The following KCNK12 variants were observed in gnomAD, a reference collection of about 807,000 sequenced individuals.
The protein encoded by KCNK12 is potassium channel subfamily K member 12.
In KCNK12, 6 loss-of-function variants were observed where a neutral mutation model predicts 25.3. The observed-to-expected ratio is 0.24, with a 90% CI of 0.13 to 0.47. The LOEUF (loss-of-function observed/expected upper bound fraction) is 0.47, where lower values mean the gene tolerates loss of function less well. KCNK12 is among the 20% of genes least tolerant of loss of function. KCNK12 has a pLI of 0.99. For missense variants in KCNK12, 444 were observed against 661.7 expected, an observed-to-expected ratio of 0.67 and a Z score of 3.61; for synonymous variants, 331 against 311.1, an observed-to-expected ratio of 1.06 and a Z score of -0.67.
At chr2:47,534,515 A>ACCCCCCCCCCCCCCCCC (rs34901455) in intron 1 of KCNK12, among the ~76,000 whole-genome samples, 1 of 48,192 alleles carries the variant, frequency 2.1e-5, no homozygotes, top group Non-Finnish European at 3.7e-5. Flanking sequence ...GCCCCTTCTA[A>ACCCCCCCCCCCCCCCCC]CCCCCCCCCC....
rs192983045 is a variant in KCNK12 at position 47,513,761 on chromosome 2, C to G, written c.*7146G>C. 6.6e-6 allele frequency among the ~76,000 whole-genome samples: 1 copy of G among 152,280 alleles called. No individual in the cohort carries two copies. The highest frequency in any genetic ancestry group is 1.9e-4 in the East Asian group (1 of 5,176). On this transcript the variant is annotated 3_prime_UTR_variant, in exon 2 of 2. Transcript: ENST00000327876. The stretch of plus-strand genomic sequence containing the variant: ...ACCACTGTCTACCTGGCTGCTTAGC[C>G]TGAGACCTGGCTCCGTCCCAATTCC...
In KCNK12 at chr2:47,569,707, C is replaced by T. The variant is rs1192183865; in HGVS notation, c.391+234G>A. Among the ~76,000 whole-genome samples the T allele has an allele frequency of 6.6e-6, 1 of 152,124 alleles. No individual in the cohort carries two copies. Among genetic ancestry groups the T allele is most frequent in the Admixed American group, 6.5e-5 (1 of 15,286 alleles). On this transcript the variant is annotated intron_variant, in intron 1 of 1. Transcript: ENST00000327876. The surrounding 1 kb of genome is among the most constrained non-coding windows in gnomAD (Gnocchi z 4.1). ...ATCACAGAGCCGGCCAGTGTTGGAG[C>T]ACAGGCGGCCCGGGGTGAGCGCCAG...
chr2:47,569,958 G>C lies in KCNK12; in HGVS notation c.374C>G (p.Thr125Ser). 7.0e-7 allele frequency: 1 copy of C among 1,427,126 alleles called. No individual in the cohort carries two copies. 88.4% of individuals were successfully genotyped at this position (1,427,126 alleles called of 1,614,324 possible). ...DFPGAFYFVG[T>S]VVSTIGFGMT... ...CCGCTCACCTATGGTTGACACCACGGTGCCCACGAAGTAGAAGGCGCCGGG... is the reference window on the plus strand; with the variant it reads ...CCGCTCACCTATGGTTGACACCACGCTGCCCACGAAGTAGAAGGCGCCGGG... Residue 125 changes from threonine to serine, a missense_variant, in exon 1 of 2, where the codon ACC becomes AGC. Thr to Ser is a moderately conservative substitution (Grantham distance 58). Coordinates refer to ENST00000327876, the MANE Select transcript of KCNK12 (RefSeq NM_022055.2). This position sits in a 1 kb window ranked among gnomAD's most constrained non-coding sequence, Gnocchi z 4.1.
At chr2:47,564,976 T>G (rs1033755724) in intron 1 of KCNK12, 1 of 151,532 alleles carries the variant, frequency 6.6e-6, no homozygotes, top group Non-Finnish European at 1.5e-5. Flanking sequence ...GACATCAGCC[T>G]GGGCAATGTA....
At chr2:47,550,769 C>G (rs1669413017) in intron 1 of KCNK12, among the ~76,000 whole-genome samples, 1 of 151,974 alleles carries the variant, frequency 6.6e-6, no homozygotes, top group African/African-American at 2.4e-5. Context: ...TGAAAAAAAC[C>G]CCACACTTCA....
intron 1 of KCNK12, among the ~76,000 whole-genome samples, chr2:47,536,098 G>A (rs1332394086): frequency 2.0e-5 from 3 of 152,058 alleles, no homozygotes; most frequent in East Asian, 1.9e-4. Flanking sequence ...GGCTCATTCT[G>A]TGCACTGTCC....
chr2:47,541,409 T>C (rs935991665), intron 1 of KCNK12, among the ~76,000 whole-genome samples: 8 of 152,152 alleles, frequency 5.3e-5, no homozygotes, highest in African/African-American at 1.9e-4. Context: ...ACACCAAATA[T>C]ATGAAATATC....
Position 47,525,500 on chromosome 2 carries a change from C to G in KCNK12, c.392-3692G>C, listed in dbSNP as rs1668750255. On this transcript the variant is annotated intron_variant, in intron 1 of 1. Coordinates refer to ENST00000327876, the MANE Select transcript of KCNK12 (RefSeq NM_022055.2). The surrounding 1 kb of genome is among the most constrained non-coding windows in gnomAD (Gnocchi z 4.1). ...GTCCAGAGCTGTGCTGGAGAGTTCT[C>G]TGGGTGGGAGGCTGACTGGGGCAGC... is the stretch of plus-strand genomic sequence containing the variant. Among the ~76,000 whole-genome samples the G allele has an allele frequency of 6.6e-6, 1 of 152,198 alleles. No individual in the cohort carries two copies. Among genetic ancestry groups the G allele is most frequent in the Non-Finnish European group, 1.5e-5 (1 of 68,020 alleles).
At chr2:47,524,257 A>G (rs985356170) in intron 1 of KCNK12, among the ~76,000 whole-genome samples, 2 of 152,256 alleles carry the variant, frequency 1.3e-5, no homozygotes, top group Admixed American at 6.5e-5. Flanking sequence ...TTACATGGCT[A>G]TAAGTGGAGT....
chr2:47,516,931 C>T lies in KCNK12; in HGVS notation c.*3976G>A, dbSNP rs1668539141. On this transcript the variant is annotated 3_prime_UTR_variant, in exon 2 of 2. Transcript: ENST00000327876. Reference sequence around the variant, plus strand: ...CCCCAAGTCCATGCTGATGAGCCCACCCTGGGGGTCAGGAATGGCCTCAGC... The same window carrying T: ...CCCCAAGTCCATGCTGATGAGCCCATCCTGGGGGTCAGGAATGGCCTCAGC... 1 of 152,230 alleles carries T rather than the reference C, an allele frequency of 6.6e-6. No homozygotes were observed. The allele number at this position is 152,230 out of a possible 1,614,324, so 9.4% of individuals were successfully genotyped here.
At chr2:47,522,126 G>A (rs1354643914) in intron 1 of KCNK12, among the ~76,000 whole-genome samples, 1 of 152,212 alleles carries the variant, frequency 6.6e-6, no homozygotes, top group Admixed American at 6.5e-5. Context: ...AACCACTGCT[G>A]CACAGGTGCA....
chr2:47,535,534 A>G (rs903061859), intron 1 of KCNK12, among the ~76,000 whole-genome samples: 2 of 152,054 alleles, frequency 1.3e-5, no homozygotes, highest in African/African-American at 4.8e-5. Flanking sequence ...ACAGATGGGG[A>G]GGTTGATGGC....
chr2:47,569,787 G>C lies in KCNK12; in HGVS notation c.391+154C>G, dbSNP rs1429819022. Among the ~76,000 whole-genome samples, 1 of 152,196 alleles carries C rather than the reference G, an allele frequency of 6.6e-6. No homozygotes were observed. Among genetic ancestry groups the C allele is most frequent in the African/African-American group, 2.4e-5 (1 of 41,442 alleles). ...GGGAGGGAGAGAGAGAGAGAGAACGGGGGCCGGCGGAGAAGAGGGCGAGAC... is the reference window on the plus strand; with the variant it reads ...GGGAGGGAGAGAGAGAGAGAGAACGCGGGCCGGCGGAGAAGAGGGCGAGAC... On this transcript the variant is annotated intron_variant, in intron 1 of 1. Coordinates refer to ENST00000327876, the MANE Select transcript of KCNK12 (RefSeq NM_022055.2). This position sits in a 1 kb window ranked among gnomAD's most constrained non-coding sequence, Gnocchi z 4.1.
At chr2:47,561,937 C>G (rs932481142) in intron 1 of KCNK12, among the ~76,000 whole-genome samples, 3 of 152,142 alleles carry the variant, frequency 2.0e-5, no homozygotes, top group African/African-American at 7.2e-5. Flanking sequence ...TAAGAAGGGG[C>G]TCAAAGGACC....
chr2:47,560,905 CG>C lies in KCNK12; in HGVS notation c.391+9035del, dbSNP rs1558565458. On this transcript the variant is annotated intron_variant, in intron 1 of 1. Transcript: ENST00000327876. The surrounding 1 kb of genome is among the most constrained non-coding windows in gnomAD (Gnocchi z 4.7). ...CCTGGCCCCAGATCCTGTCCTGCTC[CG>C]GGAGGCTTCTGCCTGGGAAGGGGGT... 6.6e-6 allele frequency among the ~76,000 whole-genome samples: 1 copy of C among 152,146 alleles called. No individual in the cohort carries two copies. The highest frequency in any genetic ancestry group is 1.5e-5 in the Non-Finnish European group (1 of 68,030).
intron 1 of KCNK12, among the ~76,000 whole-genome samples, chr2:47,539,990 C>A (rs1669162129): frequency 6.6e-6 from 1 of 152,198 alleles, no homozygotes; most frequent in Non-Finnish European, 1.5e-5. Flanking sequence ...TGGTGGCTGT[C>A]AGCAAGCTAC....
chr2:47,545,094 G>C (rs984594392), intron 1 of KCNK12, among the ~76,000 whole-genome samples: 3 of 152,182 alleles, frequency 2.0e-5, no homozygotes, highest in Non-Finnish European at 4.4e-5. Context: ...TCTGGGTGGG[G>C]AGGGAAGTCA....
chr2:47,562,496 G>A lies in KCNK12; in HGVS notation c.391+7445C>T, dbSNP rs965238935. The A allele has an allele frequency of 2.9e-5, 7 of 242,392 alleles. No individual in the cohort carries two copies. The highest frequency in any genetic ancestry group is 4.4e-5 in the African/African-American group (2 of 45,732). 15.0% of individuals were successfully genotyped at this position (242,392 alleles called of 1,614,324 possible). ...GCCCCATGTTGGGGGTTGGCCAAGC[G>A]CAGGGAGGAGGCAGCACTCACAAGA... On this transcript the variant is annotated intron_variant, in intron 1 of 1. Coordinates refer to ENST00000327876, the MANE Select transcript of KCNK12 (RefSeq NM_022055.2). This position sits in a 1 kb window ranked among gnomAD's most constrained non-coding sequence, Gnocchi z 4.8.
rs1171962650 is a variant in KCNK12, at chr2:47,538,807, G to C, written c.392-16999C>G. Among the ~76,000 whole-genome samples the C allele has an allele frequency of 1.3e-5, 2 of 152,118 alleles. No homozygotes were observed. The highest frequency in any genetic ancestry group is 2.9e-5 in the Non-Finnish European group (2 of 68,034). On this transcript the variant is annotated intron_variant, in intron 1 of 1. Transcript: ENST00000327876. The surrounding 1 kb of genome is among the most constrained non-coding windows in gnomAD (Gnocchi z 4.5). Reference sequence around the variant, plus strand: ...AGCAAATCCCTCCTGCACACTTTCAGGGCAAAGTTTAGGTGATATAAATGT... The same window carrying C: ...AGCAAATCCCTCCTGCACACTTTCACGGCAAAGTTTAGGTGATATAAATGT...
Sources: gnomAD v4.1 joint callset for allele counts (sites outside exome capture counted in the v4.1 genomes callset) on GRCh38, gnomAD v4.1.1 for gene constraint, Gnocchi (gnomAD v3.1) non-coding constraint, MANE v1.5 for transcripts, NCBI Gene and HGNC (gene_info 2026-07-23, HGNC 2026-07-21) for gene names.